KCNIP4: variants seen among roughly 807,000 people sequenced by gnomAD.
The protein encoded by KCNIP4 is Kv channel-interacting protein 4.
In KCNIP4, 12 loss-of-function variants were observed where a neutral mutation model predicts 34.0. The ratio of observed to expected loss-of-function variants is 0.35; its 90% CI spans 0.23 to 0.57. The LOEUF is 0.57. Among genes scored for constraint, KCNIP4 ranks in the 20% least tolerant of loss-of-function variants. The probability of loss-of-function intolerance (pLI) is 0.83; values close to 1 mark genes in which losing one functional copy is unlikely to be tolerated. For missense variants in KCNIP4, 238 were observed against 311.7 expected (o/e 0.76, Z 1.78); for synonymous variants, 124 against 102.2 (o/e 1.21, Z -1.29).
chr4:21,146,371 C>T (rs1752354918), intron 1 of KCNIP4, among the ~76,000 whole-genome samples: 1 of 151,870 alleles, frequency 6.6e-6, no homozygotes, highest in Non-Finnish European at 1.5e-5. Flanking sequence ...GCACTCCAGC[C>T]TGGGCGACAG....
chr4:21,899,843 T>C (rs1330952490), intron 1 of KCNIP4, among the ~76,000 whole-genome samples: 4 of 152,158 alleles, frequency 2.6e-5, no homozygotes, highest in Non-Finnish European at 5.9e-5. Context: ...AGAATCACTA[T>C]TGTTAAAATG....
At chr4:21,302,088 G>T (rs889148815) in intron 1 of KCNIP4, among the ~76,000 whole-genome samples, 3 of 152,166 alleles carry the variant, frequency 2.0e-5, no homozygotes, top group Non-Finnish European at 4.4e-5. Flanking sequence ...GATTGTCCTG[G>T]AGAATGCTGA....
At chr4:20,783,339 T>G (rs750074135) in intron 3 of KCNIP4, among the ~76,000 whole-genome samples, 2 of 152,222 alleles carry the variant, frequency 1.3e-5, no homozygotes, top group Non-Finnish European at 2.9e-5. Flanking sequence ...ACCAATTTAC[T>G]GTATTAGTCA....
rs557001074 is a variant in KCNIP4, at chr4:21,309,595, C to T, written c.62-426886G>A. On this transcript the variant is annotated intron_variant, in intron 1 of 8. Transcript: ENST00000382152. Reference sequence around the variant, plus strand: ...AATCACTATCTGAGAGACTAGCACACGGAGCACTTTATATGGATTATTTCA... The same window carrying T: ...AATCACTATCTGAGAGACTAGCACATGGAGCACTTTATATGGATTATTTCA... 7.2e-5 allele frequency among the ~76,000 whole-genome samples: 11 copies of T among 152,250 alleles called. No homozygotes were observed. The East Asian group carries it at 1.2e-3, about 16-fold the overall frequency.
At chr4:21,437,093 T>C (rs541259440) in intron 1 of KCNIP4, among the ~76,000 whole-genome samples, 3 of 152,280 alleles carry the variant, frequency 2.0e-5, no homozygotes, top group Admixed American at 1.3e-4. Context: ...CCTGGACATA[T>C]TAGAATGCTC....
intron 3 of KCNIP4, among the ~76,000 whole-genome samples, chr4:20,831,587 T>G (rs1229228663): frequency 1.3e-5 from 2 of 152,146 alleles, no homozygotes; most frequent in African/African-American, 4.8e-5. Context: ...CACACAAAAC[T>G]AATTAATTAG....
chr4:21,694,956 C>A (rs1430202330), intron 1 of KCNIP4, among the ~76,000 whole-genome samples: 2 of 133,280 alleles, frequency 1.5e-5, no homozygotes, highest in Admixed American at 7.1e-5. Flanking sequence ...AAATAAAGGG[C>A]TTTTTGGTAA....
chr4:20,785,994 C>T (rs1711933331), intron 3 of KCNIP4, among the ~76,000 whole-genome samples: 1 of 152,060 alleles, frequency 6.6e-6, no homozygotes, highest in Non-Finnish European at 1.5e-5. Flanking sequence ...AAGACACATG[C>T]ACTCATACGT....
intron 1 of KCNIP4, among the ~76,000 whole-genome samples, chr4:20,940,691 G>A (rs1288800891): frequency 1.3e-5 from 2 of 152,088 alleles, no homozygotes; most frequent in East Asian, 1.9e-4. Flanking sequence ...ATCTAATTCA[G>A]ACTTTCTTTC....
intron 1 of KCNIP4, among the ~76,000 whole-genome samples, chr4:21,943,312 A>G (rs754933271): frequency 3.5e-4 from 53 of 152,172 alleles, no homozygotes; most frequent in Non-Finnish European, 5.9e-4. Flanking sequence ...AGAGAAGGAC[A>G]CTACATTTCA....
chr4:21,933,124 AG>A (rs1382502035), intron 1 of KCNIP4, among the ~76,000 whole-genome samples: 1 of 151,804 alleles, frequency 6.6e-6, no homozygotes, highest in Non-Finnish European at 1.5e-5. Flanking sequence ...AAGGGCAAGC[AG>A]TACAAATACA....
chr4:21,811,887 A>T (rs12503772), intron 1 of KCNIP4, among the ~76,000 whole-genome samples: 6 of 152,120 alleles, frequency 3.9e-5, no homozygotes, highest in Admixed American at 2.6e-4. Flanking sequence ...TGTCATGGTT[A>T]CAAATGAGGC....
At chr4:21,309,963 T>C (rs2109269820) in intron 1 of KCNIP4, among the ~76,000 whole-genome samples, 1 of 152,122 alleles carries the variant, frequency 6.6e-6, no homozygotes, top group East Asian at 1.9e-4. Flanking sequence ...CTAGGTGGTA[T>C]TTTTCTTTTC....
At chr4:21,193,796 C>T (rs1755858157) in intron 1 of KCNIP4, among the ~76,000 whole-genome samples, 1 of 152,046 alleles carries the variant, frequency 6.6e-6, no homozygotes, top group Non-Finnish European at 1.5e-5. Flanking sequence ...TGGTCTCGAT[C>T]TCCTGACCTC....
At chr4:21,208,505 G>A (rs1033275318) in intron 1 of KCNIP4, among the ~76,000 whole-genome samples, 2 of 152,098 alleles carry the variant, frequency 1.3e-5, no homozygotes, top group African/African-American at 2.4e-5. Context: ...CTTCTAACAT[G>A]CTTCAACCAC....
At chr4:21,697,483 CAATAAT>C (rs373715526) in intron 1 of KCNIP4, 14 of 1,515,120 alleles carry the variant, frequency 9.2e-6, no homozygotes, top group East Asian at 5.1e-5. Context: ...AAGTCTTTGC[CAATAAT>C]AATAATAATA....
At chr4:21,746,317 T>C (rs1716771496) in intron 1 of KCNIP4, among the ~76,000 whole-genome samples, 1 of 152,134 alleles carries the variant, frequency 6.6e-6, no homozygotes, top group Non-Finnish European at 1.5e-5. Flanking sequence ...AACAGAAATG[T>C]CTGAAACAGG....
chr4:21,608,400 C>T (rs1306219023), intron 1 of KCNIP4, among the ~76,000 whole-genome samples: 1 of 152,164 alleles, frequency 6.6e-6, no homozygotes, highest in Non-Finnish European at 1.5e-5. Flanking sequence ...CAACTGAGAT[C>T]CACATTTCCT....
intron 1 of KCNIP4, among the ~76,000 whole-genome samples, chr4:21,483,831 T>C (rs1731671460): frequency 7.0e-6 from 1 of 143,306 alleles, no homozygotes; most frequent in Non-Finnish European, 1.5e-5. Flanking sequence ...AAAATAAAAA[T>C]GTGTGTGGTA....
Sources: gnomAD v4.1 joint callset for allele counts (sites outside exome capture counted in the v4.1 genomes callset) on GRCh38, gnomAD v4.1.1 for gene constraint, MANE v1.5 for transcripts, NCBI Gene and HGNC (gene_info 2026-07-23, HGNC 2026-07-21) for gene names.